PATJ: variants seen among roughly 807,000 people sequenced by gnomAD.
PATJ encodes PATJ crumbs cell polarity complex component, also known as inaD-like protein.
Under a neutral mutation model 224.9 loss-of-function variants are expected in PATJ, and 190 were observed. The observed-to-expected ratio is 0.84, with a 90% CI of 0.75 to 0.95. The LOEUF (loss-of-function observed/expected upper bound fraction) is 0.95. PATJ is among the 40% of genes least tolerant of loss of function. The pLI is 0.00. For synonymous variants in PATJ, 769 were observed against 820.3 expected (o/e 0.94, Z 1.07); for missense variants, 2,121 against 2,270.3 (o/e 0.93, Z 1.34).
intron 16 of PATJ, among the ~76,000 whole-genome samples, chr1:61,828,930 A>G (rs555783214): frequency 2.6e-5 from 4 of 152,148 alleles, no homozygotes; most frequent in Non-Finnish European, 4.4e-5. Context: ...CCTTTGAAAA[A>G]TGGTGATACT....
At chr1:61,775,925 A>C (rs1264058403) in intron 7 of PATJ, among the ~76,000 whole-genome samples, 3 of 152,254 alleles carry the variant, frequency 2.0e-5, no homozygotes, top group African/African-American at 7.2e-5. Flanking sequence ...GCCACGTAAT[A>C]ATAAGCCCAT....
intron 13 of PATJ, among the ~76,000 whole-genome samples, chr1:61,808,164 A>G (rs74076182): frequency 0.021 from 3,160 of 152,272 alleles, 134 homozygotes; most frequent in African/African-American, 0.073. Context: ...TGCATCCAGG[A>G]TAATGGAGGA....
chr1:61,771,713 A>T (rs1570390648), intron 6 of PATJ, 87 bp downstream of exon 6: 20 of 987,888 alleles, frequency 2.0e-5, no homozygotes, highest in Middle Eastern at 2.5e-4. Context: ...GTGTCATTTT[A>T]CCTTTCTTTC....
chr1:62,008,771 A>C (rs1646253922), intron 28 of PATJ, among the ~76,000 whole-genome samples: 1 of 152,166 alleles, frequency 6.6e-6, no homozygotes, highest in African/African-American at 2.4e-5. Flanking sequence ...ATAAATAAAT[A>C]AGTAATTGGA....
At chr1:61,790,925 C>T (rs1649719123) in intron 8 of PATJ, among the ~76,000 whole-genome samples, 1 of 152,184 alleles carries the variant, frequency 6.6e-6, no homozygotes, top group Non-Finnish European at 1.5e-5. Flanking sequence ...TTGGCAGATT[C>T]TTGTTCCTTG....
chr1:61,842,124 G>A lies in PATJ; in HGVS notation c.2112+8339G>A, dbSNP rs535287244. Among the ~76,000 whole-genome samples, 5 of 152,192 alleles carry A rather than the reference G, an allele frequency of 3.3e-5. No individual in the cohort carries two copies. In the East Asian group the frequency reaches 5.8e-4, roughly 18 times the overall value. On this transcript the variant is annotated intron_variant, in intron 17 of 43. Transcript: ENST00000642238. ...CAGTTTGTAGTGTGCTCAGGATGAC[G>A]ACTGACTTCCAAAAACCTCAGTGCA...
intron 3 of PATJ, 53 bp downstream of exon 3, chr1:61,763,232 CCAT>C: frequency 9.3e-7 from 1 of 1,070,736 alleles, no homozygotes; most frequent in African/African-American, 1.6e-5. Flanking sequence ...TATATTCAAA[CCAT>C]CAAAGAAAGA....
At chr1:62,040,408 T>A (rs1651258331) in intron 30 of PATJ, among the ~76,000 whole-genome samples, 1 of 152,000 alleles carries the variant, frequency 6.6e-6, no homozygotes, top group Admixed American at 6.6e-5. Flanking sequence ...ATGTTTGCAT[T>A]TCTAAAGGGC....
intron 21 of PATJ, among the ~76,000 whole-genome samples, chr1:61,879,229 G>T (rs1229480729): frequency 2.0e-5 from 3 of 152,170 alleles, no homozygotes; most frequent in East Asian, 3.8e-4. Flanking sequence ...ATAAGTACAG[G>T]TCTCTAACAT....
intron 20 of PATJ, among the ~76,000 whole-genome samples, chr1:61,871,397 A>AGATGTG: frequency 8.6e-6 from 1 of 115,996 alleles, no homozygotes; most frequent in Non-Finnish European, 1.7e-5. Context: ...GTATATATAT[A>AGATGTG]TATGTGTATA....
chr1:62,150,679 GAAAAAAA>G (rs56167585), intron 42 of PATJ, among the ~76,000 whole-genome samples: 18 of 81,998 alleles, frequency 2.2e-4, no homozygotes, highest in East Asian at 4.2e-4. Flanking sequence ...CCTGTCTCAA[GAAAAAAA>G]AAAAAAAAAA....
chr1:61,887,670 T>TAGTTG, intron 22 of PATJ, among the ~76,000 whole-genome samples: 1 of 152,210 alleles, frequency 6.6e-6, no homozygotes, highest in East Asian at 1.9e-4. Context: ...GTGGATAGTT[T>TAGTTG]TGTTTATAAT....
At chr1:61,899,042 A>T (rs991449318) in intron 22 of PATJ, among the ~76,000 whole-genome samples, 1 of 152,164 alleles carries the variant, frequency 6.6e-6, no homozygotes, top group African/African-American at 2.4e-5. Context: ...TGTTGGTGGT[A>T]GGTGGGAAGC....
At chr1:61,753,666 C>T (rs568226635) in intron 1 of PATJ, among the ~76,000 whole-genome samples, 235 of 151,920 alleles carry the variant, frequency 1.5e-3, no homozygotes, top group Admixed American at 5.4e-3. Flanking sequence ...TGCATCACCA[C>T]GTCAAGCTGA....
chr1:61,829,814 A>C (rs1420115625), intron 16 of PATJ, among the ~76,000 whole-genome samples: 3 of 152,218 alleles, frequency 2.0e-5, no homozygotes, highest in African/African-American at 7.2e-5. Context: ...TCTAATACTC[A>C]TTAATCAGTG....
chr1:62,108,601 C>T, intron 34 of PATJ, 81 bp downstream of exon 34: 1 of 741,366 alleles, frequency 1.3e-6, no homozygotes, highest in South Asian at 2.1e-5. Flanking sequence ...TCTTTCTACT[C>T]AACTGTATTT....
intron 30 of PATJ, chr1:62,038,994 T>C: frequency 7.3e-7 from 1 of 1,365,020 alleles, no homozygotes; most frequent in Non-Finnish European, 1.0e-6. Flanking sequence ...AACAAGCAGC[T>C]GAGCTAACCT....
chr1:61,898,451 T>A (rs2149144658), intron 22 of PATJ, among the ~76,000 whole-genome samples: 1 of 151,990 alleles, frequency 6.6e-6, no homozygotes, highest in Non-Finnish European at 1.5e-5. Flanking sequence ...TTGTCCAGGT[T>A]GGTCTTGACC....
At chr1:61,773,827 A>G (rs544649126) in intron 6 of PATJ, among the ~76,000 whole-genome samples, 2 of 151,156 alleles carry the variant, frequency 1.3e-5, no homozygotes, top group Non-Finnish European at 3.0e-5. Context: ...CCCCACCTCT[A>G]CAAAAGATAA....
Sources: gnomAD v4.1 joint callset for allele counts (sites outside exome capture counted in the v4.1 genomes callset) on GRCh38, gnomAD v4.1.1 for gene constraint, MANE v1.5 for transcripts, NCBI Gene and HGNC (gene_info 2026-07-23, HGNC 2026-07-21) for gene names.